Variants in CTDSPL2 observed in about 807,000 individuals in gnomAD.
CTDSPL2 encodes CTD small phosphatase like 2.
Under a neutral mutation model 60.0 loss-of-function variants are expected in CTDSPL2, and 5 were observed. That is an observed-to-expected ratio of 0.08 (90% CI 0.04 to 0.18). The LOEUF is 0.18. CTDSPL2 is among the 10% of genes least tolerant of loss of function. The probability of loss-of-function intolerance (pLI) is 1.00; values close to 1 mark genes in which losing one functional copy is unlikely to be tolerated. For missense variants in CTDSPL2, 370 were observed against 548.8 expected, an observed-to-expected ratio of 0.67 and a Z score of 3.26; for synonymous variants, 186 against 189.3, an observed-to-expected ratio of 0.98 and a Z score of 0.14.
intron 2 of CTDSPL2, among the ~76,000 whole-genome samples, chr15:44,466,364 C>A (rs2080691327): frequency 2.6e-5 from 4 of 152,066 alleles, no homozygotes; most frequent in Admixed American, 2.6e-4. Flanking sequence ...TTGCCACTTA[C>A]TATGGAATGA....
At chr15:44,463,492 A>G (rs1017843195) in intron 2 of CTDSPL2, among the ~76,000 whole-genome samples, 10 of 152,328 alleles carry the variant, frequency 6.6e-5, no homozygotes, top group Admixed American at 3.9e-4. Context: ...TACAGCTACA[A>G]ATTCACTTTA....
intron 1 of CTDSPL2, among the ~76,000 whole-genome samples, chr15:44,455,774 G>C (rs149979552): frequency 0.083 from 12,277 of 148,724 alleles, 950 homozygotes; most frequent in East Asian, 0.24. Flanking sequence ...ATGAAGCTCA[G>C]TTGATCATGG....
chr15:44,451,943 C>G (rs910849312), intron 1 of CTDSPL2, among the ~76,000 whole-genome samples: 15 of 152,174 alleles, frequency 9.9e-5, no homozygotes, highest in African/African-American at 3.6e-4. Flanking sequence ...ACCTTGAACA[C>G]AGATCTCAGC....
intron 8 of CTDSPL2, 141 bp from the exon 9 acceptor site, chr15:44,514,457 G>T: frequency 3.3e-6 from 2 of 615,328 alleles, no homozygotes; most frequent in Non-Finnish European, 5.9e-6. Flanking sequence ...TACTTGGTTT[G>T]AGTGGTACTT....
chr15:44,511,301 T>C (rs1459018623), intron 8 of CTDSPL2, among the ~76,000 whole-genome samples: 1 of 152,226 alleles, frequency 6.6e-6, no homozygotes, highest in African/African-American at 2.4e-5. Context: ...TTAAGATGCA[T>C]GTTATATTTA....
intron 1 of CTDSPL2, among the ~76,000 whole-genome samples, chr15:44,433,063 C>T (rs2079893425): frequency 6.6e-6 from 1 of 151,912 alleles, no homozygotes; most frequent in Non-Finnish European, 1.5e-5. Flanking sequence ...TGATTGTAAT[C>T]CCAGCACTTG....
intron 1 of CTDSPL2, among the ~76,000 whole-genome samples, chr15:44,438,304 AACAG>A (rs2080018470): frequency 1.3e-5 from 2 of 152,166 alleles, no homozygotes; most frequent in South Asian, 4.1e-4. Context: ...TAGCAATGAA[AACAG>A]ACTGGGAAGT....
At position 44,428,713 on chromosome 15, in the gene CTDSPL2, G is replaced by C. The variant is rs567075042; in HGVS notation, c.-25+941G>C. ...ATTTCTTCAGTGGGTATACAAATTA[G>C]TGACTTGAAATGATGGATTTATCTG... On this transcript the variant is annotated intron_variant, in intron 1 of 12. Coordinates refer to ENST00000260327, the MANE Select transcript of CTDSPL2 (RefSeq NM_016396.3). 3.9e-5 allele frequency among the ~76,000 whole-genome samples: 6 copies of C among 152,308 alleles called. No homozygotes were observed. In the South Asian group the frequency reaches 1.2e-3, roughly 32 times the overall value.
At chr15:44,444,836 GTTTTTT>G (rs35160726) in intron 1 of CTDSPL2, among the ~76,000 whole-genome samples, 5 of 69,604 alleles carry the variant, frequency 7.2e-5, no homozygotes, top group African/African-American at 2.4e-4. Flanking sequence ...ATGGAATGTA[GTTTTTT>G]TTTTTTTTTT....
chr15:44,512,355 G>GA (rs1455756652), intron 8 of CTDSPL2, among the ~76,000 whole-genome samples: 1 of 152,088 alleles, frequency 6.6e-6, no homozygotes, highest in Non-Finnish European at 1.5e-5. Flanking sequence ...TTATATACAT[G>GA]AAAAAATGAA....
At chr15:44,521,570 CTG>C (rs1275494044) in intron 12 of CTDSPL2, among the ~76,000 whole-genome samples, 164 bp downstream of exon 12, 1 of 152,166 alleles carries the variant, frequency 6.6e-6, no homozygotes, top group Non-Finnish European at 1.5e-5. Context: ...ACTTTAGAGT[CTG>C]AGGCAGGAGG....
At chr15:44,499,418 AAC>A (rs1223754313) in intron 7 of CTDSPL2, among the ~76,000 whole-genome samples, 2 of 152,120 alleles carry the variant, frequency 1.3e-5, no homozygotes, top group African/African-American at 4.8e-5. Flanking sequence ...AAATAAAAAA[AAC>A]ACAGAGATTG....
At chr15:44,482,211 A>T (rs1397961184) in intron 2 of CTDSPL2, among the ~76,000 whole-genome samples, 1 of 152,026 alleles carries the variant, frequency 6.6e-6, no homozygotes, top group Non-Finnish European at 1.5e-5. Context: ...CAGTGGTGCA[A>T]TCATAGCTCC....
At chr15:44,517,479 C>CA (rs775454701) in intron 10 of CTDSPL2, 1,843 of 120,692 alleles carry the variant, frequency 0.015, 17 homozygotes, top group Non-Finnish European at 0.022. Context: ...GACTCCGTCT[C>CA]AAAAAAAAAA....
At chr15:44,445,936 CTT>C (rs1331359164) in intron 1 of CTDSPL2, among the ~76,000 whole-genome samples, 3 of 124,056 alleles carry the variant, frequency 2.4e-5, no homozygotes, top group Non-Finnish European at 1.7e-5. Flanking sequence ...TGTGCCTGGC[CTT>C]TTTTTTTTTT....
At chr15:44,451,478 T>A (rs1280455305) in intron 1 of CTDSPL2, among the ~76,000 whole-genome samples, 2 of 152,140 alleles carry the variant, frequency 1.3e-5, no homozygotes, top group Admixed American at 6.6e-5. Context: ...AAAATAAGAA[T>A]TTTTCCAACT....
In CTDSPL2 at chr15:44,432,718, C is replaced by G. The variant is rs1166086880; in HGVS notation, c.-25+4946C>G. Among the ~76,000 whole-genome samples the G allele has an allele frequency of 3.3e-5, 5 of 152,000 alleles. No homozygotes were observed. In the East Asian group the frequency reaches 7.8e-4, roughly 24 times the overall value. Reference sequence around the variant, plus strand: ...CAGTGCAACCTCTGCCTCCCAGATTCAAGTGATTCTCCTGTCTCAGTCCCC... The same window carrying G: ...CAGTGCAACCTCTGCCTCCCAGATTGAAGTGATTCTCCTGTCTCAGTCCCC... On this transcript the variant is annotated intron_variant, in intron 1 of 12. Coordinates refer to ENST00000260327, the MANE Select transcript of CTDSPL2 (RefSeq NM_016396.3).
At chr15:44,439,337 C>T (rs888145887) in intron 1 of CTDSPL2, among the ~76,000 whole-genome samples, 1 of 151,620 alleles carries the variant, frequency 6.6e-6, no homozygotes, top group African/African-American at 2.4e-5. Flanking sequence ...TTAGTAGAGA[C>T]GGGGTTTCAC....
chr15:44,468,375 CTT>C (rs1390611734), intron 2 of CTDSPL2, among the ~76,000 whole-genome samples: 1 of 152,110 alleles, frequency 6.6e-6, no homozygotes, highest in African/African-American at 2.4e-5. Flanking sequence ...TGGTGCTCCT[CTT>C]TTCATTCCTG....
Sources: gnomAD v4.1 joint callset for allele counts (sites outside exome capture counted in the v4.1 genomes callset) on GRCh38, gnomAD v4.1.1 for gene constraint, MANE v1.5 for transcripts, NCBI Gene and HGNC (gene_info 2026-07-23, HGNC 2026-07-21) for gene names.